Variants in DAB2IP observed in about 807,000 individuals in gnomAD.
DAB2IP encodes DAB2 interacting protein, also known as disabled homolog 2-interacting protein.
In DAB2IP, 28 loss-of-function variants were observed where a neutral mutation model predicts 107.2. The ratio of observed to expected loss-of-function variants is 0.26; its 90% CI spans 0.19 to 0.36. DAB2IP has a LOEUF of 0.36. DAB2IP is among the 10% of genes least tolerant of loss of function. The probability of loss-of-function intolerance (pLI) is 1.00; values close to 1 mark genes in which losing one functional copy is unlikely to be tolerated. For missense variants in DAB2IP, 1,400 were observed against 1,644.7 expected (o/e 0.85, Z 2.57); for synonymous variants, 755 against 706.4 (o/e 1.07, Z -1.09).
chr9:121,600,079 C>T (rs1030043978), intron 1 of DAB2IP, among the ~76,000 whole-genome samples: 2 of 151,624 alleles, frequency 1.3e-5, no homozygotes, highest in Non-Finnish European at 2.9e-5. Flanking sequence ...AGGAAGGCGC[C>T]CCCAGCTGGG....
intron 2 of DAB2IP, among the ~76,000 whole-genome samples, chr9:121,692,808 T>C (rs1271105577): frequency 2.0e-5 from 3 of 152,174 alleles, no homozygotes; most frequent in African/African-American, 7.2e-5. Context: ...TGATGGTGCA[T>C]ACCCTTGAGG....
chr9:121,629,426 C>T (rs886257330), intron 1 of DAB2IP, among the ~76,000 whole-genome samples: 2 of 152,130 alleles, frequency 1.3e-5, no homozygotes, highest in African/African-American at 2.4e-5. Context: ...GTCCTCATGG[C>T]GCCCTTTCTT....
chr9:121,774,362 C>T (rs1588007716), exon 13 of DAB2IP: 13 of 1,612,980 alleles, frequency 8.1e-6, no homozygotes, highest in African/African-American at 1.3e-5. Flanking sequence ...CCCAGACCCC[C>T]CCCACAGGGA....
chr9:121,770,753 G>A lies in DAB2IP; in HGVS notation c.2078+29G>A, dbSNP rs754685968. On this transcript the variant is annotated intron_variant, in intron 11 of 15. Transcript: ENST00000408936. ...AGAGCTGCCAGCCATGTTGGGTGTG[G>A]TGGGTGCGTGTGCAGACTAGGCACA... The A allele has an allele frequency of 6.8e-6, 11 of 1,609,640 alleles. No homozygotes were observed. In the African/African-American group the frequency reaches 1.3e-4, roughly 20 times the overall value.
At chr9:121,734,852 A>G (rs750731968) in intron 3 of DAB2IP, among the ~76,000 whole-genome samples, 1 of 152,254 alleles carries the variant, frequency 6.6e-6, no homozygotes, top group Non-Finnish European at 1.5e-5. Context: ...GATTTCATCT[A>G]TAAAGTGGTC....
intron 3 of DAB2IP, among the ~76,000 whole-genome samples, chr9:121,712,444 G>C (rs1251162769): frequency 6.6e-6 from 1 of 152,186 alleles, no homozygotes; most frequent in Non-Finnish European, 1.5e-5. Context: ...AAGTAGGGGA[G>C]GGGGAGGTGT....
intron 1 of DAB2IP, among the ~76,000 whole-genome samples, chr9:121,636,640 G>T (rs1832098339): frequency 6.6e-6 from 1 of 152,208 alleles, no homozygotes. Context: ...AGTGAGGTAA[G>T]CAGCTTGGCC....
chr9:121,651,676 G>A lies in DAB2IP; in HGVS notation c.-100G>A, dbSNP rs929684884. ...AGGGCCTCGGCGGCCGCTCGGGCGA[G>A]CGCGGGAGAACGCGTGGGCGCCCGC... On this transcript the variant is annotated 5_prime_UTR_variant, in exon 1 of 16. Transcript: ENST00000408936. The surrounding 1 kb of genome is among the most constrained non-coding windows in gnomAD (Gnocchi z 5.1). 4 of 1,107,376 alleles carry A rather than the reference G, an allele frequency of 3.6e-6. No individual in the cohort carries two copies. The highest frequency in any genetic ancestry group is 5.0e-5 in the Admixed American group (1 of 19,856). The allele number at this position is 1,107,376 out of a possible 1,614,324, so 68.6% of individuals were successfully genotyped here. A position where few individuals can be genotyped will look rare whatever the true frequency, so the allele number is the denominator to read the frequency against.
At chr9:121,636,506 T>C (rs1353272228) in intron 1 of DAB2IP, among the ~76,000 whole-genome samples, 2 of 152,086 alleles carry the variant, frequency 1.3e-5, no homozygotes, top group African/African-American at 4.8e-5. Flanking sequence ...TGGGCTAGCC[T>C]GGAGTGCCCC....
chr9:121,630,828 G>A (rs1240650783), intron 1 of DAB2IP, among the ~76,000 whole-genome samples: 2 of 152,050 alleles, frequency 1.3e-5, no homozygotes, highest in Non-Finnish European at 2.9e-5. Flanking sequence ...GGCTGGTCTC[G>A]AACTCCTGAC....
At chr9:121,725,309 C>T (rs1024962620) in intron 3 of DAB2IP, among the ~76,000 whole-genome samples, 1 of 152,226 alleles carries the variant, frequency 6.6e-6, no homozygotes, top group African/African-American at 2.4e-5. Context: ...AAGATTGGGC[C>T]TGGCAGTGTC....
intron 1 of DAB2IP, among the ~76,000 whole-genome samples, chr9:121,614,337 CT>C (rs35959966): frequency 0.068 from 6,945 of 102,560 alleles, 121 homozygotes; most frequent in Non-Finnish European, 0.085. Flanking sequence ...TCTTTCTTTT[CT>C]TTTTTTTTTT....
intron 1 of DAB2IP, among the ~76,000 whole-genome samples, chr9:121,665,700 TA>T (rs1833390360): frequency 6.6e-6 from 1 of 152,254 alleles, no homozygotes; most frequent in Non-Finnish European, 1.5e-5. Flanking sequence ...CTCTATCGCA[TA>T]TGTCTTTTGA....
At chr9:121,668,233 G>A (rs369834548) in intron 1 of DAB2IP, among the ~76,000 whole-genome samples, 2 of 146,490 alleles carry the variant, frequency 1.4e-5, no homozygotes, top group South Asian at 2.2e-4. Flanking sequence ...TTGCTTTGTC[G>A]CTAGGCTGTA....
rs117843215 is a variant in DAB2IP at position 121,631,358 on chromosome 9, C to T, written c.41-47320C>T. On this transcript the variant is annotated intron_variant, in intron 1 of 16. Transcript: ENST00000259371. ...TGGATTTGGGCCTTGAAAATTTTGA[C>T]GTAAGAGACAGGGGAAAGCAGGTCA... 7.8e-3 allele frequency among the ~76,000 whole-genome samples: 1,190 copies of T among 152,110 alleles called. 9 individuals carry two copies. The highest frequency in any genetic ancestry group is 0.011 in the Non-Finnish European group (769 of 67,996).
intron 1 of DAB2IP, among the ~76,000 whole-genome samples, chr9:121,623,485 G>C (rs1831543280): frequency 1.3e-5 from 2 of 152,080 alleles, no homozygotes; most frequent in South Asian, 4.1e-4. Context: ...TCCCACCTCA[G>C]CCTCCAGAGT....
chr9:121,699,284 A>G lies in DAB2IP; in HGVS notation c.229-41A>G. On this transcript the variant is annotated intron_variant, in intron 2 of 15. Transcript: ENST00000408936. This position sits in a 1 kb window ranked among gnomAD's most constrained non-coding sequence, Gnocchi z 6.2. ...GGTCCCGGCCCGCCGCCGCCGCGCT[A>G]ACCCCGCCTCCCCTTCCCCCTCTTG... The G allele has an allele frequency of 1.5e-6, 2 of 1,294,548 alleles. No homozygotes were observed. The highest frequency in any genetic ancestry group is 2.0e-6 in the Non-Finnish European group (2 of 1,002,864). The allele number at this position is 1,294,548 out of a possible 1,614,324, so 80.2% of individuals were successfully genotyped here.
chr9:121,672,000 T>C (rs1197475970), intron 1 of DAB2IP, among the ~76,000 whole-genome samples: 3 of 152,236 alleles, frequency 2.0e-5, no homozygotes, highest in African/African-American at 4.8e-5. Context: ...CTGGCTATTG[T>C]GTAATTGTTC....
intron 3 of DAB2IP, among the ~76,000 whole-genome samples, chr9:121,716,843 A>G (rs755381082): frequency 6.6e-6 from 1 of 152,028 alleles, no homozygotes; most frequent in Non-Finnish European, 1.5e-5. Flanking sequence ...CCCATGGTCA[A>G]CCCTGCAGTC....
Sources: gnomAD v4.1 joint callset for allele counts (sites outside exome capture counted in the v4.1 genomes callset) on GRCh38, gnomAD v4.1.1 for gene constraint, Gnocchi (gnomAD v3.1) non-coding constraint, MANE v1.5 for transcripts, NCBI Gene and HGNC (gene_info 2026-07-23, HGNC 2026-07-21) for gene names.